METTL15: variants seen among roughly 807,000 people sequenced by gnomAD.
METTL15 encodes the protein methyltransferase 15, mitochondrial 12S rRNA N4-cytidine.
In METTL15, 34 loss-of-function variants were observed where a neutral mutation model predicts 38.3. The observed-to-expected ratio is 0.89, with a 90% CI of 0.68 to 1.18. The LOEUF (loss-of-function observed/expected upper bound fraction) is 1.18, where lower values mean the gene tolerates loss of function less well. METTL15 is among the 50% of genes most tolerant of loss of function. The probability of loss-of-function intolerance (pLI) is 0.00; values close to 1 mark genes in which losing one functional copy is unlikely to be tolerated. For missense variants in METTL15, 438 were observed against 498.4 expected (o/e 0.88, Z 1.15); for synonymous variants, 162 against 170.9 (o/e 0.95, Z 0.41).
intron 3 of METTL15, among the ~76,000 whole-genome samples, chr11:28,159,303 G>A (rs1850370001): frequency 6.6e-6 from 1 of 152,076 alleles, no homozygotes; most frequent in African/African-American, 2.4e-5. Flanking sequence ...AGAGTTGCAT[G>A]GAATACAGGA....
downstream of METTL15, among the ~76,000 whole-genome samples, chr11:28,530,514 A>G (rs1332634241): frequency 6.6e-6 from 1 of 152,070 alleles, no homozygotes; most frequent in African/African-American, 2.4e-5. Flanking sequence ...ATGTATAACA[A>G]CTGTTTCCAA....
At chr11:28,157,711 C>T (rs561175094) in intron 3 of METTL15, among the ~76,000 whole-genome samples, 8 of 152,120 alleles carry the variant, frequency 5.3e-5, no homozygotes, top group African/African-American at 9.6e-5. Flanking sequence ...TGATCGGGCT[C>T]GAGCAGGTCC....
intron 6 of METTL15, among the ~76,000 whole-genome samples, chr11:28,301,532 CTT>C (rs1457773616): frequency 6.6e-6 from 1 of 151,974 alleles, no homozygotes; most frequent in Non-Finnish European, 1.5e-5. Flanking sequence ...CTATAAAGCA[CTT>C]GAAATGTAGT....
Position 28,290,298 on chromosome 11 carries a change from T to C in METTL15, c.500T>C (p.Leu167Pro). The C allele has an allele frequency of 6.2e-7, 1 of 1,613,534 alleles. No homozygotes were observed. The highest frequency in any genetic ancestry group is 8.5e-7 in the Non-Finnish European group (1 of 1,179,680). ...CAGCCAGGAACTTTTGATGGAGTTC[T>C]TATGGATCTTGGGTGTTCCTCCATG... ...GVQPGTFDGVLMDLGCSSMQL... is the reference protein window; with the variant it reads ...GVQPGTFDGVPMDLGCSSMQL... The change falls in exon 5 of 7, where the codon CTT (leucine) becomes CCT (proline). Residue 167 changes from leucine (L) to proline (P), a missense_variant. Leu to Pro is a moderately conservative substitution (Grantham distance 98). Coordinates refer to ENST00000407364, the MANE Select transcript of METTL15 (RefSeq NM_001113528.2).
intron 3 of METTL15, among the ~76,000 whole-genome samples, chr11:28,208,585 T>C (rs1852473726): frequency 6.6e-6 from 1 of 152,164 alleles, no homozygotes; most frequent in African/African-American, 2.4e-5. Context: ...ATGTATATTC[T>C]ATTGATTTGG....
At chr11:28,321,866 CAATGGAACA>C (rs796387045) in intron 6 of METTL15, among the ~76,000 whole-genome samples, 13,278 of 151,738 alleles carry the variant, frequency 0.088, 1,025 homozygotes, top group East Asian at 0.36. Context: ...AGAAACGCAT[CAATGGAACA>C]CAATTGAGAA....
At chr11:28,277,203 C>T (rs1855876436) in intron 4 of METTL15, among the ~76,000 whole-genome samples, 1 of 151,974 alleles carries the variant, frequency 6.6e-6, no homozygotes, top group Non-Finnish European at 1.5e-5. Context: ...ATAGAATTAC[C>T]ACTCAATCCA....
intron 5 of METTL15, among the ~76,000 whole-genome samples, chr11:28,397,039 T>C (rs1314662849): frequency 6.6e-6 from 1 of 152,176 alleles, no homozygotes; most frequent in Non-Finnish European, 1.5e-5. Flanking sequence ...GCTAGCCATA[T>C]GTAGAAAGCT....
At chr11:28,247,332 ATGAAT>A (rs1480317574) in intron 4 of METTL15, among the ~76,000 whole-genome samples, 4 of 152,146 alleles carry the variant, frequency 2.6e-5, no homozygotes, top group African/African-American at 9.7e-5. Context: ...AATTGAATAA[ATGAAT>A]TGAAAAGTTC....
intron 6 of METTL15, among the ~76,000 whole-genome samples, chr11:28,515,742 C>T (rs1461609138): frequency 6.6e-6 from 1 of 152,182 alleles, no homozygotes; most frequent in Non-Finnish European, 1.5e-5. Flanking sequence ...TACATTGAAC[C>T]AGCAGGAATC....
intron 6 of METTL15, among the ~76,000 whole-genome samples, chr11:28,461,417 C>G (rs1273681541): frequency 6.6e-6 from 1 of 152,036 alleles, no homozygotes; most frequent in Non-Finnish European, 1.5e-5. Flanking sequence ...AAATTGCATC[C>G]TTGTCCTTTA....
At chr11:28,342,158 A>G (rs1186097079) in intron 3 of METTL15, among the ~76,000 whole-genome samples, 1 of 152,218 alleles carries the variant, frequency 6.6e-6, no homozygotes, top group Admixed American at 6.5e-5. Flanking sequence ...TCCTGGGAGC[A>G]TTCACATTCT....
chr11:28,270,238 C>T (rs533189041), intron 4 of METTL15, among the ~76,000 whole-genome samples: 65 of 152,056 alleles, frequency 4.3e-4, no homozygotes, highest in African/African-American at 1.4e-3. Context: ...TGTATTTTGA[C>T]ATATTTATTT....
At chr11:28,470,255 T>C (rs1202125955) in intron 6 of METTL15, among the ~76,000 whole-genome samples, 1 of 152,146 alleles carries the variant, frequency 6.6e-6, no homozygotes, top group Non-Finnish European at 1.5e-5. Context: ...GGACTGCATA[T>C]ATTGGAGATT....
chr11:28,265,017 T>C (rs1287276668), intron 4 of METTL15, among the ~76,000 whole-genome samples: 2 of 152,138 alleles, frequency 1.3e-5, no homozygotes, highest in Non-Finnish European at 2.9e-5. Flanking sequence ...TACAATTCTA[T>C]GTGATTGACG....
intron 6 of METTL15, among the ~76,000 whole-genome samples, chr11:28,470,190 A>G (rs182036419): frequency 6.6e-6 from 1 of 152,146 alleles, no homozygotes; most frequent in African/African-American, 2.4e-5. Context: ...TCATCAATAC[A>G]TTTGCAGTGA....
chr11:28,422,981 G>A (rs1486461883), intron 5 of METTL15, among the ~76,000 whole-genome samples: 1 of 151,656 alleles, frequency 6.6e-6, no homozygotes, highest in Non-Finnish European at 1.5e-5. Flanking sequence ...TATATAAGGA[G>A]CTCAAACAAA....
intron 4 of METTL15, among the ~76,000 whole-genome samples, chr11:28,257,308 G>A (rs1272240946): frequency 1.3e-5 from 2 of 152,064 alleles, no homozygotes; most frequent in African/African-American, 2.4e-5. Context: ...GTGGCTTTTA[G>A]CATCCTTTTT....
intron 4 of METTL15, among the ~76,000 whole-genome samples, chr11:28,237,928 A>T (rs1311155577): frequency 1.3e-5 from 2 of 152,168 alleles, no homozygotes; most frequent in African/African-American, 4.8e-5. Context: ...GATTTTCGTG[A>T]TCCGCAAATG....
Sources: gnomAD v4.1 joint callset for allele counts (sites outside exome capture counted in the v4.1 genomes callset) on GRCh38, gnomAD v4.1.1 for gene constraint, MANE v1.5 for transcripts, NCBI Gene and HGNC (gene_info 2026-07-23, HGNC 2026-07-21) for gene names.